Variants in MCTP1 observed in about 807,000 individuals in gnomAD.
MCTP1 encodes multiple C2 and transmembrane domain containing 1.
Under a neutral mutation model 120.6 loss-of-function variants are expected in MCTP1, and 69 were observed. That is an observed-to-expected ratio of 0.57 (90% CI 0.47 to 0.70). MCTP1 has a LOEUF of 0.70. Among genes scored for constraint, MCTP1 ranks in the 30% least tolerant of loss-of-function variants. MCTP1 has a pLI of 0.00. For missense variants in MCTP1, 1,203 were observed against 1,248.8 expected (o/e 0.96, Z 0.55); for synonymous variants, 529 against 493.1 (o/e 1.07, Z -0.96).
intron 1 of MCTP1, among the ~76,000 whole-genome samples, chr5:95,180,004 C>T (rs1207996022): frequency 3.3e-5 from 5 of 152,038 alleles, no homozygotes; most frequent in Admixed American, 6.6e-5. Flanking sequence ...ATTCCTATAT[C>T]AGAATAAAAC....
chr5:94,987,982 T>C (rs1474162527), intron 2 of MCTP1, among the ~76,000 whole-genome samples: 2 of 152,194 alleles, frequency 1.3e-5, no homozygotes, highest in Non-Finnish European at 1.5e-5. Context: ...GAAATAAACT[T>C]ATTTTTTCTC....
intron 2 of MCTP1, among the ~76,000 whole-genome samples, chr5:95,006,751 T>G (rs1409764156): frequency 6.6e-6 from 1 of 152,180 alleles, no homozygotes; most frequent in Non-Finnish European, 1.5e-5. Context: ...AGTTGCATTT[T>G]CCTCCTGGGA....
chr5:94,873,061 C>A, intron 13 of MCTP1, 78 bp downstream of exon 13: 3 of 835,216 alleles, frequency 3.6e-6, no homozygotes, highest in Non-Finnish European at 4.1e-6. Context: ...TAAACACACA[C>A]ATTTTTTTTA....
At chr5:95,164,442 C>T (rs1259394637) in intron 1 of MCTP1, among the ~76,000 whole-genome samples, 1 of 152,194 alleles carries the variant, frequency 6.6e-6, no homozygotes, top group African/African-American at 2.4e-5. Flanking sequence ...ACAAATCTCT[C>T]CCCCCAAAAA....
At chr5:95,187,939 A>T (rs1749408592) in intron 1 of MCTP1, among the ~76,000 whole-genome samples, 1 of 152,196 alleles carries the variant, frequency 6.6e-6, no homozygotes, top group African/African-American at 2.4e-5. Context: ...CCATGATGTG[A>T]TTATTACACA....
intron 10 of MCTP1, among the ~76,000 whole-genome samples, chr5:94,899,262 C>T (rs184864739): frequency 1.3e-5 from 2 of 152,328 alleles, no homozygotes; most frequent in African/African-American, 4.8e-5. Context: ...GCTTATATAG[C>T]TCCCTAGGCT....
chr5:95,282,476 C>T lies in MCTP1; in HGVS notation c.720+1380G>A, dbSNP rs547871291. Among the ~76,000 whole-genome samples the T allele has an allele frequency of 7.2e-5, 11 of 152,200 alleles. No homozygotes were observed. In the South Asian group the frequency reaches 1.7e-3, roughly 23 times the overall value. ...TTCTTCTACATTAGGATTATGTACA[C>T]GCTCAAAAATAAATACTTCCTTTAA... On this transcript the variant is annotated intron_variant, in intron 1 of 22. Coordinates refer to ENST00000515393, the MANE Select transcript of MCTP1 (RefSeq NM_024717.7).
intron 1 of MCTP1, among the ~76,000 whole-genome samples, chr5:95,125,219 T>A (rs917301426): frequency 3.3e-5 from 5 of 152,226 alleles, no homozygotes; most frequent in Non-Finnish European, 5.9e-5. Context: ...TTTGTTTAAT[T>A]GATGTTAGTT....
rs1258187173 is a variant in MCTP1 at position 94,704,089 on chromosome 5, A to G, written c.*3407T>C. ...GAAAGGAATGACACTATTGTAAGAAAGAATTTACCACATTATTTTCTATGT... is the reference window on the plus strand; with the variant it reads ...GAAAGGAATGACACTATTGTAAGAAGGAATTTACCACATTATTTTCTATGT... On this transcript the variant is annotated 3_prime_UTR_variant, in exon 23 of 23. Transcript: ENST00000515393. 6.6e-6 allele frequency: 1 copy of G among 151,598 alleles called. No individual in the cohort carries two copies. The highest frequency in any genetic ancestry group is 2.4e-5 in the African/African-American group (1 of 41,390). 9.4% of individuals were successfully genotyped at this position (151,598 alleles called of 1,614,324 possible). A position where few individuals can be genotyped will look rare whatever the true frequency, so the allele number is the denominator to read the frequency against.
chr5:95,180,578 C>T (rs1208634500), intron 1 of MCTP1, among the ~76,000 whole-genome samples: 1 of 152,128 alleles, frequency 6.6e-6, no homozygotes, highest in East Asian at 1.9e-4. Flanking sequence ...CCCTGTCTAT[C>T]TCACGTCTAC....
At chr5:95,116,989 C>T (rs1462254973) in intron 1 of MCTP1, among the ~76,000 whole-genome samples, 4 of 151,938 alleles carry the variant, frequency 2.6e-5, no homozygotes, top group East Asian at 1.9e-4. Context: ...GCAATCTGTC[C>T]GTCTGACAAA....
intron 17 of MCTP1, among the ~76,000 whole-genome samples, chr5:94,862,804 T>A (rs539674990): frequency 6.6e-6 from 1 of 151,926 alleles, no homozygotes; most frequent in Admixed American, 6.6e-5. Context: ...GGAGTTGAGA[T>A]AAATTGGGCG....
intron 1 of MCTP1, among the ~76,000 whole-genome samples, chr5:95,119,167 C>G (rs1758026035): frequency 6.6e-6 from 1 of 152,090 alleles, no homozygotes; most frequent in Admixed American, 6.6e-5. Context: ...TTCAAGAAAA[C>G]TGAAATAACA....
intron 17 of MCTP1, among the ~76,000 whole-genome samples, chr5:94,830,794 G>T (rs1254274045): frequency 6.6e-6 from 1 of 151,686 alleles, no homozygotes; most frequent in Admixed American, 6.6e-5. Context: ...CAGACAAGAT[G>T]GGTCATTTCT....
At chr5:94,975,950 T>C (rs924375103) in intron 2 of MCTP1, among the ~76,000 whole-genome samples, 2 of 152,256 alleles carry the variant, frequency 1.3e-5, no homozygotes, top group Admixed American at 1.3e-4. Context: ...TCCTGGGTCA[T>C]CGAGAAATCT....
intron 17 of MCTP1, among the ~76,000 whole-genome samples, chr5:94,823,070 A>G (rs1413987528): frequency 6.6e-6 from 1 of 152,086 alleles, no homozygotes; most frequent in African/African-American, 2.4e-5. Flanking sequence ...CCATTTGTCA[A>G]TTTTGGCTTT....
chr5:94,959,277 A>T (rs1346981096), intron 2 of MCTP1, among the ~76,000 whole-genome samples: 1 of 152,202 alleles, frequency 6.6e-6, no homozygotes, highest in Non-Finnish European at 1.5e-5. Context: ...ATCTCAAAAT[A>T]ATAAGAGATA....
At chr5:94,832,695 G>A (rs2161243) in intron 17 of MCTP1, among the ~76,000 whole-genome samples, 7,125 of 151,858 alleles carry the variant, frequency 0.047, 589 homozygotes, top group African/African-American at 0.16. Context: ...GTCTGGTTGT[G>A]AGCACTACCT....
intron 1 of MCTP1, among the ~76,000 whole-genome samples, chr5:95,242,778 G>A (rs1756311928): frequency 6.6e-6 from 1 of 152,162 alleles, no homozygotes; most frequent in African/African-American, 2.4e-5. Flanking sequence ...GGAGCACAAG[G>A]AAATTTTCTA....
Sources: allele counts gnomAD v4.1 joint callset (sites outside exome capture counted in the v4.1 genomes callset), GRCh38; gene constraint gnomAD v4.1.1; transcripts MANE v1.5; gene names NCBI Gene and HGNC (gene_info 2026-07-23, HGNC 2026-07-21).